AGBL4: variants seen among roughly 807,000 people sequenced by gnomAD.
AGBL4 encodes the protein AGBL carboxypeptidase 4.
A neutral mutation model predicts 66.4 loss-of-function variants in AGBL4; 58 were observed. The ratio of observed to expected loss-of-function variants is 0.87; its 90% CI spans 0.71 to 1.09. The LOEUF is 1.09. Among genes scored for constraint, AGBL4 ranks in the 50% least tolerant of loss-of-function variants. The pLI is 0.00. For synonymous variants in AGBL4, 234 were observed against 222.9 expected, an observed-to-expected ratio of 1.05 and a Z score of -0.44; for missense variants, 579 against 631.0, an observed-to-expected ratio of 0.92 and a Z score of 0.88.
chr1:49,722,809 A>G (rs1336524931), intron 2 of AGBL4, among the ~76,000 whole-genome samples: 2 of 152,106 alleles, frequency 1.3e-5, no homozygotes, highest in African/African-American at 2.4e-5. Context: ...TCCGTTTCCA[A>G]TGAATCTTCT....
At chr1:49,973,303 T>C (rs1040068734) in intron 1 of AGBL4, among the ~76,000 whole-genome samples, 1 of 152,132 alleles carries the variant, frequency 6.6e-6, no homozygotes, top group African/African-American at 2.4e-5. Flanking sequence ...TTCCAATCAT[T>C]TAGAGCTGTG....
intron 3 of AGBL4, among the ~76,000 whole-genome samples, chr1:49,692,058 T>C (rs1355659239): frequency 6.6e-6 from 1 of 152,126 alleles, no homozygotes; most frequent in Non-Finnish European, 1.5e-5. Context: ...CCTGCCCCCA[T>C]GATTGTTTTT....
At chr1:49,422,528 A>G (rs1467150096) in intron 3 of AGBL4, among the ~76,000 whole-genome samples, 1 of 152,236 alleles carries the variant, frequency 6.6e-6, no homozygotes, top group African/African-American at 2.4e-5. Flanking sequence ...CAATTGAATT[A>G]ATATGTATCA....
intron 4 of AGBL4, among the ~76,000 whole-genome samples, chr1:49,076,937 A>T (rs1001786819): frequency 1.3e-5 from 2 of 152,180 alleles, no homozygotes; most frequent in African/African-American, 4.8e-5. Context: ...CTCTTTGGCC[A>T]AAACCAATTA....
chr1:49,036,829 G>T (rs1664705135), intron 5 of AGBL4, among the ~76,000 whole-genome samples: 1 of 151,166 alleles, frequency 6.6e-6, no homozygotes, highest in Admixed American at 6.6e-5. Flanking sequence ...CCTTGTCTTG[G>T]TATCTTTATA....
chr1:48,814,546 A>G (rs1646130228), intron 6 of AGBL4, among the ~76,000 whole-genome samples: 1 of 151,160 alleles, frequency 6.6e-6, no homozygotes, highest in South Asian at 2.1e-4. Context: ...CCTAGAACTT[A>G]TTCCTCCTAT....
In AGBL4 at chr1:49,012,834, T is replaced by C. The variant is rs1030500115; in HGVS notation, c.594+32750A>G. ...TCATGTTGAAAGTTAATCCCCAATG[T>C]AACAGCATTAAGAGGTGGGACCTGT... On this transcript the variant is annotated intron_variant, in intron 5 of 13. Coordinates refer to ENST00000371839, the MANE Select transcript of AGBL4 (RefSeq NM_032785.4). Among the ~76,000 whole-genome samples, 11 of 152,214 alleles carry C rather than the reference T, an allele frequency of 7.2e-5. 1 individual carries two copies. Among genetic ancestry groups the C allele is most frequent in the African/African-American group, 2.7e-4 (11 of 41,454 alleles).
intron 11 of AGBL4, among the ~76,000 whole-genome samples, chr1:48,582,803 T>G (rs544272605): frequency 2.2e-4 from 34 of 152,288 alleles, no homozygotes; most frequent in African/African-American, 8.2e-4. Flanking sequence ...CCAACCACCA[T>G]GTCCATTTAT....
chr1:49,206,749 T>C (rs896359114), intron 4 of AGBL4, among the ~76,000 whole-genome samples: 3 of 152,038 alleles, frequency 2.0e-5, no homozygotes, highest in Non-Finnish European at 4.4e-5. Context: ...TGGAGGCCAG[T>C]ACATTCTGGA....
At chr1:48,572,529 T>TGTGTGTGTGA (rs756883651) in intron 11 of AGBL4, among the ~76,000 whole-genome samples, 1 of 151,644 alleles carries the variant, frequency 6.6e-6, no homozygotes, top group Non-Finnish European at 1.5e-5. Context: ...GCAAATTGTG[T>TGTGTGTGTGA]GTGTGTGTGA....
chr1:48,523,083 C>T, the AGBL4 span, among the ~76,000 whole-genome samples: 1 of 151,984 alleles, frequency 6.6e-6, no homozygotes, highest in Non-Finnish European at 1.5e-5. Flanking sequence ...ACTGGAGGAG[C>T]CCTTAGTGAT....
intron 6 of AGBL4, among the ~76,000 whole-genome samples, chr1:48,750,746 G>A (rs972608702): frequency 6.6e-6 from 1 of 152,244 alleles, no homozygotes; most frequent in Non-Finnish European, 1.5e-5. Context: ...AAGGCAGTGA[G>A]TGAGCTTCTT....
chr1:49,016,557 T>C (rs1027182061), intron 5 of AGBL4, among the ~76,000 whole-genome samples: 1 of 152,160 alleles, frequency 6.6e-6, no homozygotes, highest in African/African-American at 2.4e-5. Context: ...GCCACACTCA[T>C]GTTAAAGACA....
intron 3 of AGBL4, among the ~76,000 whole-genome samples, chr1:49,637,440 A>G (rs1335253946): frequency 6.6e-6 from 1 of 151,958 alleles, no homozygotes; most frequent in Non-Finnish European, 1.5e-5. Context: ...AGCTGGGATT[A>G]CAGGAGCCTG....
At chr1:48,851,386 A>C (rs1647027780) in intron 6 of AGBL4, among the ~76,000 whole-genome samples, 2 of 152,198 alleles carry the variant, frequency 1.3e-5, no homozygotes, top group African/African-American at 4.8e-5. Context: ...TTTCTGAAAC[A>C]ATCTCTGCTG....
chr1:49,206,347 C>G (rs6658750), intron 4 of AGBL4, among the ~76,000 whole-genome samples: 1 of 151,872 alleles, frequency 6.6e-6, no homozygotes, highest in Non-Finnish European at 1.5e-5. Context: ...AAAAATAAAC[C>G]CTCTAACTAC....
At chr1:49,526,621 A>C (rs1650680540) in intron 3 of AGBL4, among the ~76,000 whole-genome samples, 1 of 152,076 alleles carries the variant, frequency 6.6e-6, no homozygotes, top group Admixed American at 6.5e-5. Context: ...ATGAAGCAAC[A>C]AATTTAAATG....
rs371943123 is a variant in AGBL4 at position 48,611,805 on chromosome 1, C to T, written c.952-20820G>A. On this transcript the variant is annotated intron_variant, in intron 9 of 13. Coordinates refer to ENST00000371839, the MANE Select transcript of AGBL4 (RefSeq NM_032785.4). ...CACTATATATAAGCACTTTGTGTGC[C>T]GCTTCGGATCTGTGTGAGACTATCC... Among the ~76,000 whole-genome samples, 85 of 152,268 alleles carry T rather than the reference C, an allele frequency of 5.6e-4. 1 individual carries two copies. Among genetic ancestry groups the T allele is most frequent in the African/African-American group, 1.9e-3 (78 of 41,554 alleles).
At chr1:48,819,315 G>T (rs1183792900) in intron 6 of AGBL4, among the ~76,000 whole-genome samples, 2 of 152,178 alleles carry the variant, frequency 1.3e-5, no homozygotes, top group African/African-American at 4.8e-5. Flanking sequence ...TGCATGAAAA[G>T]GAGTGATAAA....
Sources: allele counts gnomAD v4.1 joint callset (sites outside exome capture counted in the v4.1 genomes callset), GRCh38; gene constraint gnomAD v4.1.1; transcripts MANE v1.5; gene names NCBI Gene and HGNC (gene_info 2026-07-23, HGNC 2026-07-21).